RAB3IL1: variants seen among roughly 807,000 people sequenced by gnomAD.
RAB3IL1 encodes RAB3A interacting protein like 1.
Under a neutral mutation model 49.2 loss-of-function variants are expected in RAB3IL1, and 37 were observed. The ratio of observed to expected loss-of-function variants is 0.75; its 90% CI spans 0.58 to 0.99. The LOEUF (loss-of-function observed/expected upper bound fraction) is 0.99, where lower values mean the gene tolerates loss of function less well. RAB3IL1 is among the 50% of genes least tolerant of loss of function. RAB3IL1 has a pLI of 0.00. For missense variants in RAB3IL1, 484 were observed against 513.0 expected (o/e 0.94, Z 0.55); for synonymous variants, 193 against 213.9 (o/e 0.90, Z 0.85).
chr11:61,906,139 G>A lies in RAB3IL1; in HGVS notation c.657+327C>T, dbSNP rs1283629189. On this transcript the variant is annotated intron_variant, in intron 5 of 9. Transcript: ENST00000394836. This position sits in a 1 kb window ranked among gnomAD's most constrained non-coding sequence, Gnocchi z 4.6. ...CTGCTGCTTGGCCTCTTAAGGCCAAGGAAGTGTGTGTCTCAGTGGAGGCCC... is the reference window on the plus strand; with the variant it reads ...CTGCTGCTTGGCCTCTTAAGGCCAAAGAAGTGTGTGTCTCAGTGGAGGCCC... Among the ~76,000 whole-genome samples, 1 of 152,168 alleles carries A rather than the reference G, an allele frequency of 6.6e-6. No individual in the cohort carries two copies. The highest frequency in any genetic ancestry group is 1.5e-5 in the Non-Finnish European group (1 of 68,010).
upstream of RAB3IL1, among the ~76,000 whole-genome samples, chr11:61,924,341 T>C (rs530592766): frequency 9.2e-4 from 140 of 152,244 alleles, no homozygotes; most frequent in Admixed American, 6.8e-3. Flanking sequence ...CCCCAAAAGA[T>C]GCAGGCAAAA....
chr11:61,934,456 A>G, the RAB3IL1 span, among the ~76,000 whole-genome samples: 2,336 of 17,256 alleles, frequency 0.14, 80 homozygotes, highest in South Asian at 0.26. Flanking sequence ...GTATGTATAT[A>G]TATATATATA....
chr11:61,943,583 A>G, the RAB3IL1 span, among the ~76,000 whole-genome samples: 235 of 152,332 alleles, frequency 1.5e-3, no homozygotes, highest in African/African-American at 5.3e-3. Flanking sequence ...ATAATGGTCT[A>G]GTATCCAGAA....
chr11:61,937,516 C>G, the RAB3IL1 span, among the ~76,000 whole-genome samples: 7 of 152,000 alleles, frequency 4.6e-5, no homozygotes, highest in African/African-American at 1.7e-4. Context: ...CTTTATTACC[C>G]AGGCTGGTCT....
chr11:61,899,211 C>G (rs1408419341), intron 9 of RAB3IL1, 103 bp downstream of exon 9: 3 of 1,288,418 alleles, frequency 2.3e-6, no homozygotes, highest in Non-Finnish European at 3.2e-6. Context: ...AGCCTCCTAG[C>G]TGAGTCTTGC....
chr11:61,902,516 G>C lies in RAB3IL1; in HGVS notation c.925C>G (p.Arg309Gly). ...TNTCALSGLT[R>G]TCRHRIRLGD... The stretch of plus-strand genomic sequence containing the variant: ...AGCCGGATTCGGTGGCGGCAGGTGC[G>C]GGTCAGCCCGCTCAGGGCACATGTG... The change falls in exon 8 of 10, where the codon CGC becomes GGC. Residue 309 changes from arginine to glycine, a missense_variant. Arg to Gly is a moderately radical substitution (Grantham distance 125). Transcript: ENST00000394836. 1 of 1,602,128 alleles carries C rather than the reference G, an allele frequency of 6.2e-7. No individual in the cohort carries two copies. Among genetic ancestry groups the C allele is most frequent in the Non-Finnish European group, 8.5e-7 (1 of 1,176,182 alleles).
chr11:61,937,479 G>C, the RAB3IL1 span, among the ~76,000 whole-genome samples: 10 of 151,764 alleles, frequency 6.6e-5, no homozygotes, highest in East Asian at 1.6e-3. Flanking sequence ...CTAATTTGGT[G>C]GGGGGGTGGC....
chr11:61,899,612 A>C, intron 8 of RAB3IL1: 1 of 531,188 alleles, frequency 1.9e-6, no homozygotes, highest in South Asian at 2.4e-5. Flanking sequence ...CAGCGAACGG[A>C]GCAGACGCGC....
At chr11:61,900,329 G>A (rs1231918548) in intron 8 of RAB3IL1, among the ~76,000 whole-genome samples, 2 of 152,248 alleles carry the variant, frequency 1.3e-5, no homozygotes, top group African/African-American at 2.4e-5. Context: ...GAAGGTAGCC[G>A]GCGGCTGTGC....
At chr11:61,927,842 C>A in the RAB3IL1 span, among the ~76,000 whole-genome samples, 1 of 152,158 alleles carries the variant, frequency 6.6e-6, no homozygotes, top group South Asian at 2.1e-4. Context: ...TCGTAAGTTT[C>A]CTGAGGCCTC....
intron 7 of RAB3IL1, among the ~76,000 whole-genome samples, chr11:61,904,039 G>A (rs1312475756): frequency 2.6e-5 from 4 of 151,382 alleles, no homozygotes; most frequent in Admixed American, 2.6e-4. Context: ...TCCCTGCTTG[G>A]CAAACTTCTA....
rs537304087 is a variant in RAB3IL1, at chr11:61,909,877, C to T, written c.12-1571G>A. Among the ~76,000 whole-genome samples the T allele has an allele frequency of 1.7e-4, 26 of 152,276 alleles. No homozygotes were observed. The South Asian group carries it at 5.4e-3, about 32-fold the overall frequency. ...ATCCCAGCACTTTGGGAGGCTGAGG[C>T]AGGTGGATCACCTGAGGTCAAGAGT... is the stretch of plus-strand genomic sequence containing the variant. On this transcript the variant is annotated intron_variant, in intron 1 of 9. Transcript: ENST00000394836.
At chr11:61,922,226 A>T (rs1266417237), upstream of RAB3IL1, among the ~76,000 whole-genome samples, 9 of 151,616 alleles carry the variant, frequency 5.9e-5, no homozygotes, top group African/African-American at 1.7e-4. Flanking sequence ...AAAAAAGTTT[A>T]AAAAAAGAAG....
At chr11:61,915,526 C>T (rs1367125311) in intron 1 of RAB3IL1, among the ~76,000 whole-genome samples, 1 of 152,160 alleles carries the variant, frequency 6.6e-6, no homozygotes, top group Non-Finnish European at 1.5e-5. Context: ...CAGCAACTAA[C>T]TCAGGGGCTG....
intron 1 of RAB3IL1, among the ~76,000 whole-genome samples, chr11:61,913,252 T>A (rs994883038): frequency 1.3e-5 from 2 of 151,740 alleles, no homozygotes; most frequent in African/African-American, 4.8e-5. Context: ...GACCCGGGGA[T>A]GAAAGAGATC....
the RAB3IL1 span, among the ~76,000 whole-genome samples, chr11:61,933,461 G>C: frequency 0.1 from 15,405 of 152,098 alleles, 1,453 homozygotes; most frequent in East Asian, 0.57. Flanking sequence ...TTTAGGCCCA[G>C]TAATACTGAT....
the RAB3IL1 span, among the ~76,000 whole-genome samples, chr11:61,939,957 CAAAA>C: frequency 8.2e-6 from 1 of 121,934 alleles, no homozygotes. Flanking sequence ...GACTCTGTCT[CAAAA>C]AAAAAAAAAG....
At chr11:61,926,476 TGGGA>T in the RAB3IL1 span, among the ~76,000 whole-genome samples, 141 of 152,308 alleles carry the variant, frequency 9.3e-4, no homozygotes, top group African/African-American at 3.3e-3. Flanking sequence ...GTGGGCCTTG[TGGGA>T]GGTGTTTGGG....
At chr11:61,923,968 C>T (rs1340127188), upstream of RAB3IL1, among the ~76,000 whole-genome samples, 1 of 151,896 alleles carries the variant, frequency 6.6e-6, no homozygotes, top group Non-Finnish European at 1.5e-5. Flanking sequence ...CAGGGAAGGG[C>T]AGGACAGAGC....
Sources: allele counts gnomAD v4.1 joint callset (sites outside exome capture counted in the v4.1 genomes callset), GRCh38; gene constraint gnomAD v4.1.1; non-coding constraint Gnocchi (gnomAD v3.1); transcripts MANE v1.5; gene names NCBI Gene and HGNC (gene_info 2026-07-23, HGNC 2026-07-21).